Variants in ADAP1 observed in about 807,000 individuals in gnomAD.
ADAP1 encodes ArfGAP with dual PH domains 1.
In ADAP1, 31 loss-of-function variants were observed where a neutral mutation model predicts 54.9. The observed-to-expected ratio is 0.56, with a 90% confidence interval of 0.42 to 0.76. The LOEUF (loss-of-function observed/expected upper bound fraction) is 0.76. Among genes scored for constraint, ADAP1 ranks in the 30% least tolerant of loss-of-function variants. The pLI, the probability that ADAP1 is intolerant of heterozygous loss-of-function variation, is 0.00. For missense variants in ADAP1, 535 were observed against 512.4 expected (o/e 1.04, Z -0.42); for synonymous variants, 313 against 202.6 (o/e 1.55, Z -4.63).
chr7:933,565 GTCAGTGGTGGTGCAGA>G, intron 2 of ADAP1, among the ~76,000 whole-genome samples: 3 of 121,982 alleles, frequency 2.5e-5, no homozygotes, highest in South Asian at 2.7e-4. Flanking sequence ...GGGGGCCGGG[GTCAGTGGTGGTGCAGA>G]GCCGGGGACC....
chr7:904,439 G>A (rs561798047), intron 5 of ADAP1, among the ~76,000 whole-genome samples, 167 bp from the exon 6 acceptor site: 1 of 152,180 alleles, frequency 6.6e-6, no homozygotes, highest in African/African-American at 2.4e-5. Flanking sequence ...TAAGCAGAAG[G>A]TAACAGCACC....
intron 3 of ADAP1, among the ~76,000 whole-genome samples, chr7:925,787 C>T (rs1021212333): frequency 1.1e-4 from 16 of 152,350 alleles, no homozygotes; most frequent in African/African-American, 2.9e-4. Flanking sequence ...AGCTCGTGCT[C>T]GGGGTATCTC....
rs1032909990 is a variant in ADAP1, at chr7:945,283, A to G, written c.82+9113T>C. On this transcript the variant is annotated intron_variant, in intron 1 of 10. Coordinates refer to ENST00000265846, the MANE Select transcript of ADAP1 (RefSeq NM_006869.4). The surrounding 1 kb of genome is among the most constrained non-coding windows in gnomAD (Gnocchi z 4.2). ...CGGAGCGAAAAGGGGCGGGGCACGCACTCTCAGAGACCCTCCAGGGTGGAA... is the reference window on the plus strand; with the variant it reads ...CGGAGCGAAAAGGGGCGGGGCACGCGCTCTCAGAGACCCTCCAGGGTGGAA... Among the ~76,000 whole-genome samples, 1 of 152,008 alleles carries G rather than the reference A, an allele frequency of 6.6e-6. No homozygotes were observed. Among genetic ancestry groups the G allele is most frequent in the Non-Finnish European group, 1.5e-5 (1 of 67,976 alleles).
In ADAP1 at chr7:900,509, G is replaced by C. The variant is rs188173135; in HGVS notation, c.732+24C>G. 3,215 of 1,573,560 alleles carry C rather than the reference G, an allele frequency of 2.0e-3. 9 individuals carry two copies. The highest frequency in any genetic ancestry group is 2.6e-3 in the Non-Finnish European group (2,965 of 1,155,272). On this transcript the variant is annotated intron_variant, in intron 7 of 10. Transcript: ENST00000265846. ...CCCCACCACCCCTGTCTGCCCTGGA[G>C]CTGACCGCAGGGCCGCCACTCACAT... is the stretch of plus-strand genomic sequence containing the variant.
In ADAP1 at chr7:900,088, T is replaced by C. The variant is rs758647453; in HGVS notation, c.795+14A>G. ...ACCCCAGGCCACCCCAGGCCGCACG[T>C]GCGGCACACCCACCTTGGGCCCCGT... On this transcript the variant is annotated intron_variant, in intron 8 of 10. Coordinates refer to ENST00000265846, the MANE Select transcript of ADAP1 (RefSeq NM_006869.4). 5 of 1,612,764 alleles carry C rather than the reference T, an allele frequency of 3.1e-6. No homozygotes were observed. The South Asian group carries it at 5.5e-5, about 18-fold the overall frequency.
At position 926,463 on chromosome 7, in the gene ADAP1, C is replaced by T; in HGVS notation, c.305+90G>A. 8.3e-7 allele frequency: 1 copy of T among 1,206,156 alleles called. No homozygotes were observed. The highest frequency in any genetic ancestry group is 1.1e-6 in the Non-Finnish European group (1 of 884,122). 74.7% of individuals were successfully genotyped at this position (1,206,156 alleles called of 1,614,324 possible). A position where few individuals can be genotyped will look rare whatever the true frequency, so the allele number is the denominator to read the frequency against. Reference sequence around the variant, plus strand: ...TTCTCCCCGACCCTGTGGGCGGCACCCAACTCCCCACCCTGCCGGGTCCTC... The same window carrying T: ...TTCTCCCCGACCCTGTGGGCGGCACTCAACTCCCCACCCTGCCGGGTCCTC... On this transcript the variant is annotated intron_variant, in intron 3 of 10. Transcript: ENST00000265846. The surrounding 1 kb of genome is among the most constrained non-coding windows in gnomAD (Gnocchi z 4.6).
intron 2 of ADAP1, among the ~76,000 whole-genome samples, chr7:929,863 G>A (rs996812768): frequency 6.6e-6 from 1 of 152,078 alleles, no homozygotes; most frequent in Non-Finnish European, 1.5e-5. Context: ...CAGCGCTTGG[G>A]AGACTGAGGC....
intron 3 of ADAP1, among the ~76,000 whole-genome samples, chr7:922,365 G>A (rs1175995110): frequency 2.0e-5 from 3 of 152,184 alleles, no homozygotes; most frequent in Non-Finnish European, 4.4e-5. Flanking sequence ...AGAGCAAAAT[G>A]TGAGCTGGGG....
intron 3 of ADAP1, among the ~76,000 whole-genome samples, chr7:922,578 G>A (rs931892868): frequency 3.3e-5 from 5 of 152,246 alleles, no homozygotes; most frequent in Middle Eastern, 3.4e-3. Flanking sequence ...CAGCTGGCAC[G>A]TCCATCCCTG....
chr7:905,489 GAGAAGGGAGAAGGGAGAAGGGA>G (rs1845146538), intron 4 of ADAP1: 1 of 4,900 alleles, frequency 2.0e-4, no homozygotes, highest in Non-Finnish European at 3.6e-4. Flanking sequence ...AAGGAGAAAG[GAGAAGGGAGAAGGGAGAAGGGA>G]GAAGGGAGAA....
In ADAP1 at chr7:919,762, G is replaced by GA. The variant is rs1846097738; in HGVS notation, c.388+205_388+206insT. Among the ~76,000 whole-genome samples, 8 of 13,944 alleles carry GA rather than the reference G, an allele frequency of 5.7e-4. 1 individual carries two copies. The highest frequency in any genetic ancestry group is 1.3e-3 in the African/African-American group (3 of 2,354). 9.1% of individuals were successfully genotyped at this position (13,944 alleles called of 152,430 possible). A position where few individuals can be genotyped will look rare whatever the true frequency, so the allele number is the denominator to read the frequency against. On this transcript the variant is annotated intron_variant, in intron 4 of 10. Transcript: ENST00000265846. ...ACGGGGAGAGGGAGGGAGATGGGGG[G>GA]GAAGGGGGGAGAGGGAGGGAGATGG...
intron 5 of ADAP1, 114 bp from the exon 6 acceptor site, chr7:904,386 G>C (rs774336170): frequency 2.9e-6 from 4 of 1,381,382 alleles, no homozygotes; most frequent in South Asian, 1.4e-5. Flanking sequence ...GTGTGGCTTT[G>C]GGCAAGTTAC....
intron 1 of ADAP1, among the ~76,000 whole-genome samples, chr7:943,268 AAGGG>A (rs1277757631): frequency 6.0e-5 from 1 of 16,626 alleles, no homozygotes; most frequent in African/African-American, 5.2e-4. Context: ...GAGGAGGAGG[AAGGG>A]AGAGAGGAGG....
intron 2 of ADAP1, among the ~76,000 whole-genome samples, chr7:931,064 A>G (rs1846561712): frequency 6.7e-6 from 1 of 148,818 alleles, no homozygotes; most frequent in Non-Finnish European, 1.5e-5. Context: ...GGAAGAAAGG[A>G]AGGCAGGAGG....
rs1033188291 is a variant in ADAP1 at position 920,898 on chromosome 7, G to T, written c.306-848C>A. On this transcript the variant is annotated intron_variant, in intron 3 of 10. Coordinates refer to ENST00000265846, the MANE Select transcript of ADAP1 (RefSeq NM_006869.4). This position sits in a 1 kb window ranked among gnomAD's most constrained non-coding sequence, Gnocchi z 4.5. ...CACTCCCAGGGAATTACGCGGCAAA[G>T]AACAAATAGGAACCCTGTGGCTTCC... 6.5e-7 allele frequency: 1 copy of T among 1,545,928 alleles called. No individual in the cohort carries two copies. The highest frequency in any genetic ancestry group is 2.0e-5 in the Admixed American group (1 of 50,864).
chr7:926,502 G>A lies in ADAP1; in HGVS notation c.305+51C>T, dbSNP rs373427042. ...TGCCGGGTCCTCCCGGGGCCATCTC[G>A]GAGCCACCCAGCACTTGACCATGGC... On this transcript the variant is annotated intron_variant, in intron 3 of 10. Coordinates refer to ENST00000265846, the MANE Select transcript of ADAP1 (RefSeq NM_006869.4). This position sits in a 1 kb window ranked among gnomAD's most constrained non-coding sequence, Gnocchi z 4.6. 1.4e-5 allele frequency: 21 copies of A among 1,458,874 alleles called. No individual in the cohort carries two copies. The highest frequency in any genetic ancestry group is 3.0e-5 in the African/African-American group (2 of 66,924). 90.4% of individuals were successfully genotyped at this position (1,458,874 alleles called of 1,614,324 possible).
chr7:930,973 G>A (rs1181831376), intron 2 of ADAP1, among the ~76,000 whole-genome samples: 1 of 129,528 alleles, frequency 7.7e-6, no homozygotes, highest in Non-Finnish European at 1.6e-5. Flanking sequence ...GAGTCAGACT[G>A]TGTCTCAAAA....
intron 1 of ADAP1, among the ~76,000 whole-genome samples, chr7:953,135 G>A (rs1476740493): frequency 6.6e-6 from 1 of 152,200 alleles, no homozygotes. Flanking sequence ...TCCTGAACAG[G>A]AGGAAATAAA....
At chr7:941,919 C>T (rs1846948680) in intron 1 of ADAP1, among the ~76,000 whole-genome samples, 1 of 152,184 alleles carries the variant, frequency 6.6e-6, no homozygotes, top group South Asian at 2.1e-4. Flanking sequence ...GTTATCAAGA[C>T]AGTGTGGTGG....
Sources: gnomAD v4.1 joint callset for allele counts (sites outside exome capture counted in the v4.1 genomes callset) on GRCh38, gnomAD v4.1.1 for gene constraint, Gnocchi (gnomAD v3.1) non-coding constraint, MANE v1.5 for transcripts, NCBI Gene and HGNC (gene_info 2026-07-23, HGNC 2026-07-21) for gene names.